Variants in SRD5A2 observed in about 807,000 individuals in gnomAD.
The protein encoded by SRD5A2 is steroid 5 alpha-reductase 2.
In SRD5A2, 30 loss-of-function variants were observed where a neutral mutation model predicts 27.4. The ratio of observed to expected loss-of-function variants is 1.10; its 90% confidence interval spans 0.82 to 1.49. SRD5A2 has a LOEUF of 1.49. SRD5A2 is among the 40% of genes most tolerant of loss of function. SRD5A2 has a pLI of 0.00. For missense variants in SRD5A2, 348 were observed against 323.4 expected (o/e 1.08, Z -0.58); for synonymous variants, 141 against 133.6 (o/e 1.06, Z -0.38).
At chr2:31,662,637 T>TA in the SRD5A2 span, among the ~76,000 whole-genome samples, 1 of 152,152 alleles carries the variant, frequency 6.6e-6, no homozygotes, top group African/African-American at 2.4e-5. Context: ...TCTATTTTGG[T>TA]ATCACCCTTA....
chr2:31,564,154 T>TAAAACAGC (rs752241580), intron 1 of SRD5A2, among the ~76,000 whole-genome samples: 1 of 152,026 alleles, frequency 6.6e-6, no homozygotes, highest in Non-Finnish European at 1.5e-5. Flanking sequence ...GCAATGATAT[T>TAAAACAGC]AAAACAGCTG....
chr2:31,645,486 T>G, the SRD5A2 span, among the ~76,000 whole-genome samples: 1 of 152,246 alleles, frequency 6.6e-6, no homozygotes, highest in Non-Finnish European at 1.5e-5. Flanking sequence ...GTCATCTATT[T>G]GTTATTTTTC....
At chr2:31,537,253 TA>T (rs1666045553) in intron 1 of SRD5A2, among the ~76,000 whole-genome samples, 3 of 152,196 alleles carry the variant, frequency 2.0e-5, no homozygotes, top group Admixed American at 2.0e-4. Context: ...GTATAGTAAT[TA>T]CACCTTTCTT....
the SRD5A2 span, among the ~76,000 whole-genome samples, chr2:31,643,469 T>C: frequency 6.6e-6 from 1 of 152,154 alleles, no homozygotes; most frequent in Non-Finnish European, 1.5e-5. Context: ...TGTACTTATT[T>C]ATATATCTGT....
chr2:31,657,857 G>A, the SRD5A2 span, among the ~76,000 whole-genome samples: 2 of 151,970 alleles, frequency 1.3e-5, no homozygotes, highest in South Asian at 4.1e-4. Context: ...GTGTGGGGGT[G>A]GGAAGGAAAT....
the SRD5A2 span, among the ~76,000 whole-genome samples, chr2:31,588,051 G>C: frequency 9.2e-5 from 14 of 152,128 alleles, no homozygotes; most frequent in Non-Finnish European, 1.9e-4. Flanking sequence ...CAAGCTATTT[G>C]AAAATATACA....
chr2:31,616,685 A>G, the SRD5A2 span, among the ~76,000 whole-genome samples: 1 of 152,128 alleles, frequency 6.6e-6, no homozygotes, highest in African/African-American at 2.4e-5. Context: ...TTTTGATTTT[A>G]CAGGCTCATA....
intron 1 of SRD5A2, among the ~76,000 whole-genome samples, chr2:31,542,350 T>C (rs1344791774): frequency 1.3e-5 from 2 of 152,072 alleles, no homozygotes; most frequent in African/African-American, 2.4e-5. Context: ...TCTATTAAAT[T>C]TATTTATTTA....
chr2:31,596,285 G>A, the SRD5A2 span, among the ~76,000 whole-genome samples: 7 of 151,604 alleles, frequency 4.6e-5, no homozygotes, highest in Non-Finnish European at 8.8e-5. Context: ...CCACTTGAGA[G>A]GCTGAGACAG....
intron 3 of SRD5A2, 100 bp downstream of exon 3, chr2:31,531,271 A>T: frequency 1.3e-6 from 1 of 794,880 alleles, no homozygotes; most frequent in Non-Finnish European, 2.1e-6. Flanking sequence ...GTATTGTATC[A>T]TTCGTGCCCT....
chr2:31,591,276 GGACATGAACA>G, the SRD5A2 span, among the ~76,000 whole-genome samples: 1 of 152,184 alleles, frequency 6.6e-6, no homozygotes, highest in Non-Finnish European at 1.5e-5. Flanking sequence ...AGTGGGTGAA[GGACATGAACA>G]GACATTTCTC....
chr2:31,652,757 G>A, the SRD5A2 span, among the ~76,000 whole-genome samples: 1 of 152,178 alleles, frequency 6.6e-6, no homozygotes, highest in Non-Finnish European at 1.5e-5. Context: ...ACAGAAGAAA[G>A]TGAGAATAAA....
At chr2:31,544,478 A>C (rs1666202856) in intron 1 of SRD5A2, among the ~76,000 whole-genome samples, 1 of 151,928 alleles carries the variant, frequency 6.6e-6, no homozygotes, top group Admixed American at 6.6e-5. Context: ...AGAGAAAGCA[A>C]AGGGAAATTA....
chr2:31,532,650 C>T (rs2148066125), intron 2 of SRD5A2, among the ~76,000 whole-genome samples: 1 of 69,620 alleles, frequency 1.4e-5, no homozygotes, highest in South Asian at 3.9e-4. Flanking sequence ...TGGTGCTTTT[C>T]AAAATAGGCA....
rs374815795 is a variant in SRD5A2, at chr2:31,529,474, C to T, written c.548-17G>A. ...ACAAGCCACCTGCGTGCAGAAGAATCGGAAGGTCAATCATTGCAACTGAAT... is the reference window on the plus strand; with the variant it reads ...ACAAGCCACCTGCGTGCAGAAGAATTGGAAGGTCAATCATTGCAACTGAAT... On this transcript the variant is annotated splice_polypyrimidine_tract_variant and intron_variant, in intron 3 of 4. Transcript: ENST00000622030. 11 of 1,608,868 alleles carry T rather than the reference C, an allele frequency of 6.8e-6. No individual in the cohort carries two copies. Among genetic ancestry groups the T allele is most frequent in the African/African-American group, 2.7e-5 (2 of 74,758 alleles).
chr2:31,616,629 A>G, the SRD5A2 span, among the ~76,000 whole-genome samples: 3 of 152,132 alleles, frequency 2.0e-5, no homozygotes, highest in African/African-American at 7.2e-5. Context: ...GGCTGTATTT[A>G]CCCAATGCCT....
intron 1 of SRD5A2, among the ~76,000 whole-genome samples, chr2:31,570,789 G>C (rs1055117307): frequency 2.6e-5 from 4 of 152,106 alleles, no homozygotes; most frequent in African/African-American, 9.7e-5. Context: ...GCAGCAAAGA[G>C]AATAAAATAC....
intron 1 of SRD5A2, among the ~76,000 whole-genome samples, chr2:31,571,665 AATTT>A (rs944704201): frequency 1.2e-4 from 18 of 152,218 alleles, no homozygotes; most frequent in Admixed American, 7.2e-4. Flanking sequence ...AATTTAAACT[AATTT>A]ACAAGCAAAA....
At chr2:31,531,805 C>T (rs1249862121) in intron 2 of SRD5A2, among the ~76,000 whole-genome samples, 1 of 152,186 alleles carries the variant, frequency 6.6e-6, no homozygotes, top group Non-Finnish European at 1.5e-5. Context: ...AAGCCTTTAG[C>T]TCATTCACAA....
Sources: allele counts gnomAD v4.1 joint callset (sites outside exome capture counted in the v4.1 genomes callset), GRCh38; gene constraint gnomAD v4.1.1; transcripts MANE v1.5; gene names NCBI Gene and HGNC (gene_info 2026-07-23, HGNC 2026-07-21).